SNX29: variants seen among roughly 807,000 people sequenced by gnomAD.
SNX29 encodes the protein sorting nexin-29.
SNX29 carries 78 observed loss-of-function variants against 102.1 expected under a neutral mutation model. That is an observed-to-expected ratio of 0.76 (90% CI 0.64 to 0.92). The LOEUF (loss-of-function observed/expected upper bound fraction) is 0.92, where lower values mean the gene tolerates loss of function less well. Among genes scored for constraint, SNX29 ranks in the 40% least tolerant of loss-of-function variants. The pLI is 0.00. For missense variants in SNX29, 1,280 were observed against 1,061.7 expected, an observed-to-expected ratio of 1.21 and a Z score of -2.86; for synonymous variants, 580 against 414.5, an observed-to-expected ratio of 1.40 and a Z score of -4.85.
chr16:11,991,669 A>G (rs1214040772), intron 1 of SNX29, among the ~76,000 whole-genome samples: 1 of 149,156 alleles, frequency 6.7e-6, no homozygotes, highest in Non-Finnish European at 1.5e-5. Context: ...CAGCCTCCCA[A>G]TTAGCTGAGA....
At chr16:12,059,948 C>T (rs1207078052) in intron 8 of SNX29, among the ~76,000 whole-genome samples, 1 of 152,102 alleles carries the variant, frequency 6.6e-6, no homozygotes, top group Non-Finnish European at 1.5e-5. Context: ...TCTTCTTTTG[C>T]CTCCCTTCCC....
At chr16:12,180,410 T>A (rs2141829276) in intron 13 of SNX29, among the ~76,000 whole-genome samples, 1 of 152,308 alleles carries the variant, frequency 6.6e-6, no homozygotes, top group African/African-American at 2.4e-5. Context: ...TATCTGCAGC[T>A]ATATTCTATT....
At chr16:12,285,784 A>G (rs977728128) in intron 15 of SNX29, among the ~76,000 whole-genome samples, 3 of 150,164 alleles carry the variant, frequency 2.0e-5, no homozygotes, top group Admixed American at 2.0e-4. Context: ...GACTCAGGAT[A>G]AAAAACTCTG....
In SNX29 at chr16:12,472,087, A is replaced by G. The variant is rs574350539; in HGVS notation, c.2038-5632A>G. On this transcript the variant is annotated intron_variant, in intron 18 of 20. Transcript: ENST00000566228. ...GGTGGATACAAACAGGGAAATATTC[A>G]TACAGTGGAATACTATTCATTAGTG... is the stretch of plus-strand genomic sequence containing the variant. Among the ~76,000 whole-genome samples the G allele has an allele frequency of 7.2e-5, 11 of 152,396 alleles. No individual in the cohort carries two copies. In the South Asian group the frequency reaches 8.3e-4, roughly 11 times the overall value.
At chr16:12,209,954 C>T (rs996601544) in intron 14 of SNX29, among the ~76,000 whole-genome samples, 4 of 151,768 alleles carry the variant, frequency 2.6e-5, no homozygotes, top group African/African-American at 4.8e-5. Context: ...GCTCTGGAGA[C>T]GAATTCGTTT....
intron 18 of SNX29, among the ~76,000 whole-genome samples, chr16:12,439,028 G>A (rs959328322): frequency 8.5e-5 from 13 of 152,220 alleles, no homozygotes; most frequent in Admixed American, 8.5e-4. Context: ...GTTGCACATG[G>A]CAGCCCGGGC....
chr16:12,439,953 G>A (rs1355590568), intron 18 of SNX29, among the ~76,000 whole-genome samples: 1 of 152,220 alleles, frequency 6.6e-6, no homozygotes, highest in Non-Finnish European at 1.5e-5. Flanking sequence ...AAACCGTCCA[G>A]CTGGTGTGTG....
chr16:12,553,818 C>G (rs990894457), intron 20 of SNX29, among the ~76,000 whole-genome samples: 7 of 151,930 alleles, frequency 4.6e-5, no homozygotes, highest in African/African-American at 1.2e-4. Context: ...GAACTCCTGA[C>G]CTTGTGATCC....
chr16:12,309,402 C>T (rs1191450098), intron 15 of SNX29, among the ~76,000 whole-genome samples: 3 of 152,326 alleles, frequency 2.0e-5, no homozygotes, highest in Non-Finnish European at 2.9e-5. Context: ...ATTTATCCCT[C>T]TGGAAGCCCT....
chr16:12,469,805 G>A (rs2087247206), intron 18 of SNX29, among the ~76,000 whole-genome samples: 1 of 152,192 alleles, frequency 6.6e-6, no homozygotes, highest in Admixed American at 6.5e-5. Context: ...GAGGTCAGGA[G>A]TTCAAGACCA....
intron 15 of SNX29, among the ~76,000 whole-genome samples, chr16:12,332,031 G>T (rs114305330): frequency 1.3e-3 from 192 of 152,186 alleles, no homozygotes; most frequent in African/African-American, 4.4e-3. Flanking sequence ...CTGCACTGGA[G>T]CCTGGGTGAC....
chr16:12,011,220 A>G lies in SNX29; in HGVS notation c.122+8177A>G, dbSNP rs946726324. On this transcript the variant is annotated intron_variant, in intron 3 of 20. Transcript: ENST00000566228. The stretch of plus-strand genomic sequence containing the variant: ...TTTTTTTTTTTTTTGAAAAAAGATT[A>G]TTTCTAGCAATGGGGAACCTCCAGG... Among the ~76,000 whole-genome samples the G allele has an allele frequency of 4.4e-5, 5 of 113,150 alleles. No individual in the cohort carries two copies. In the South Asian group the frequency reaches 1.3e-3, roughly 30 times the overall value. 74.2% of individuals were successfully genotyped at this position (113,150 alleles called of 152,430 possible). A position where few individuals can be genotyped will look rare whatever the true frequency, so the allele number is the denominator to read the frequency against.
At chr16:12,454,888 G>A (rs1320293404) in intron 18 of SNX29, among the ~76,000 whole-genome samples, 1 of 151,952 alleles carries the variant, frequency 6.6e-6, no homozygotes, top group Non-Finnish European at 1.5e-5. Context: ...TGGGACTATA[G>A]GCATGCACCA....
At chr16:12,231,102 C>G (rs1171888089) in intron 14 of SNX29, among the ~76,000 whole-genome samples, 1 of 152,146 alleles carries the variant, frequency 6.6e-6, no homozygotes, top group Non-Finnish European at 1.5e-5. Context: ...ATCCTCCCAC[C>G]TCGGCCTCCC....
intron 14 of SNX29, among the ~76,000 whole-genome samples, chr16:12,261,155 C>T (rs1657281066): frequency 6.8e-6 from 1 of 146,514 alleles, no homozygotes. Context: ...CCAGTCTGTG[C>T]ACGTGTCCCC....
At position 11,986,225 on chromosome 16, in the gene SNX29, G is replaced by A. The variant is rs113487686; in HGVS notation, c.7+9412G>A. On this transcript the variant is annotated intron_variant, in intron 1 of 20. Coordinates refer to ENST00000566228, the MANE Select transcript of SNX29 (RefSeq NM_032167.5). ...TCCTTGCCCTGACTTTTTGCTGTCC[G>A]GGAGCCCTTCAGAGACCTGGCACTA... Among the ~76,000 whole-genome samples, 669 of 151,754 alleles carry A rather than the reference G, an allele frequency of 4.4e-3. 10 individuals carry two copies. The highest frequency in any genetic ancestry group is 0.015 in the African/African-American group (631 of 41,400).
At chr16:12,229,709 T>G (rs830715) in intron 14 of SNX29, among the ~76,000 whole-genome samples, 71,507 of 151,766 alleles carry the variant, frequency 0.47, 17,722 homozygotes, top group Non-Finnish European at 0.56. Context: ...ATTGAAGTAG[T>G]GTAGAGGGTT....
intron 13 of SNX29, among the ~76,000 whole-genome samples, chr16:12,155,485 T>G (rs2055506286): frequency 6.6e-6 from 1 of 152,160 alleles, no homozygotes; most frequent in African/African-American, 2.4e-5. Context: ...TAAAGGACCC[T>G]GGACTCTTTC....
chr16:12,563,305 C>T (rs1448301874), intron 20 of SNX29, among the ~76,000 whole-genome samples: 4 of 152,080 alleles, frequency 2.6e-5, no homozygotes, highest in African/African-American at 7.3e-5. Context: ...GGAAAGTCTG[C>T]TTTGTGACTG....
Sources: allele counts gnomAD v4.1 joint callset (sites outside exome capture counted in the v4.1 genomes callset), GRCh38; gene constraint gnomAD v4.1.1; transcripts MANE v1.5; gene names NCBI Gene and HGNC (gene_info 2026-07-23, HGNC 2026-07-21).